The following CHAT variants were observed in gnomAD, a reference collection of about 807,000 sequenced individuals.
CHAT encodes the protein acetyl CoA:choline O-acetyltransferase.
A neutral mutation model predicts 76.9 loss-of-function variants in CHAT; 61 were observed. The observed-to-expected ratio is 0.79, with a 90% confidence interval of 0.65 to 0.98. CHAT has a LOEUF of 0.98. CHAT is among the 50% of genes least tolerant of loss of function. The pLI is 0.00. For missense variants in CHAT, 946 were observed against 986.9 expected, an observed-to-expected ratio of 0.96 and a Z score of 0.56; for synonymous variants, 407 against 397.4, an observed-to-expected ratio of 1.02 and a Z score of -0.29.
intron 7 of CHAT, among the ~76,000 whole-genome samples, chr10:49,641,091 C>T (rs1473717449): frequency 6.6e-6 from 1 of 152,238 alleles, no homozygotes; most frequent in Non-Finnish European, 1.5e-5. Flanking sequence ...GCCACCTTCT[C>T]ACTGTGTCCT....
At chr10:49,613,208 T>C (rs1021793012), upstream of CHAT, 3 of 152,256 alleles carry the variant, frequency 2.0e-5, no homozygotes, top group Non-Finnish European at 4.4e-5. Context: ...GAAATGTGTG[T>C]ATGATGTGAT....
At chr10:49,625,252 C>T (rs1037541262) in intron 5 of CHAT, among the ~76,000 whole-genome samples, 11 of 152,120 alleles carry the variant, frequency 7.2e-5, no homozygotes, top group African/African-American at 2.7e-4. Context: ...GTGCATGAGG[C>T]AGAGGTTTGA....
In CHAT at chr10:49,619,953, C is replaced by T. The variant is rs138137810; in HGVS notation, c.579+37C>T. The T allele has an allele frequency of 4.6e-4, 720 of 1,582,162 alleles. 5 individuals are homozygous for T. The African/African-American group carries it at 8.1e-3, about 18-fold the overall frequency. On this transcript the variant is annotated intron_variant, in intron 3 of 14. Transcript: ENST00000337653. Reference sequence around the variant, plus strand: ...AGACAAGGAACCCATAGAAGAGGGGCGGGAGGCAGACCTGGAGACAGAGGG... The same window carrying T: ...AGACAAGGAACCCATAGAAGAGGGGTGGGAGGCAGACCTGGAGACAGAGGG...
upstream of CHAT, chr10:49,611,779 C>T: frequency 6.2e-7 from 1 of 1,602,870 alleles, no homozygotes; most frequent in Non-Finnish European, 8.5e-7. Context: ...CCTCACCGTG[C>T]GCCTGGCGGC....
chr10:49,615,882 C>T (rs1838472136), intron 1 of CHAT: 2 of 665,922 alleles, frequency 3.0e-6, no homozygotes, highest in African/African-American at 1.8e-5. Flanking sequence ...CTGCCTAGGT[C>T]ACAACGCCTC....
chr10:49,611,104 G>T (rs1838282603), upstream of CHAT: 2 of 1,614,020 alleles, frequency 1.2e-6, no homozygotes, highest in East Asian at 2.2e-5. Context: ...GAGCGAAGAC[G>T]TGAAGATCGG....
intron 5 of CHAT, 70 bp from the exon 6 acceptor site, chr10:49,625,403 C>T: frequency 4.1e-6 from 6 of 1,455,606 alleles, no homozygotes; most frequent in Non-Finnish European, 5.7e-6. Context: ...ACAATAAAAC[C>T]CATTCTCTGT....
chr10:49,620,272 G>C (rs961088807), intron 3 of CHAT, among the ~76,000 whole-genome samples: 4 of 152,136 alleles, frequency 2.6e-5, no homozygotes, highest in African/African-American at 9.7e-5. Context: ...GTAGCACCAA[G>C]CCACCAGGAT....
At chr10:49,651,667 C>A (rs1221069437) in intron 10 of CHAT, 3 of 544,708 alleles carry the variant, frequency 5.5e-6, no homozygotes, top group Non-Finnish European at 9.8e-6. Flanking sequence ...GCTGAGCTCA[C>A]CTTGGGTCAT....
At chr10:49,647,808 C>CTTCA (rs1839728731) in intron 8 of CHAT, 1 of 118,710 alleles carries the variant, frequency 8.4e-6, no homozygotes, top group African/African-American at 3.4e-5. Context: ...TCCTTCCTTC[C>CTTCA]TTTTAGTGAC....
chr10:49,613,622 G>A (rs763060264), upstream of CHAT, among the ~76,000 whole-genome samples: 7 of 152,174 alleles, frequency 4.6e-5, no homozygotes, highest in Admixed American at 1.3e-4. Flanking sequence ...GTGTGTGCCT[G>A]GGCGGAGTCT....
At chr10:49,627,999 T>G (rs2132736917) in intron 7 of CHAT, among the ~76,000 whole-genome samples, 1 of 152,052 alleles carries the variant, frequency 6.6e-6, no homozygotes, top group East Asian at 1.9e-4. Flanking sequence ...GCTTTCTTGG[T>G]GGGACTAACT....
chr10:49,642,458 C>A (rs1405323059), intron 7 of CHAT, among the ~76,000 whole-genome samples: 1 of 152,258 alleles, frequency 6.6e-6, no homozygotes, highest in Non-Finnish European at 1.5e-5. Context: ...CTGGGCCCTG[C>A]AGAGCCTGCA....
Position 49,665,036 on chromosome 10 carries a change from A to T in CHAT, c.2237A>T (p.His746Leu). The T allele has an allele frequency of 5.0e-6, 8 of 1,613,856 alleles. No homozygotes were observed. Among genetic ancestry groups the T allele is most frequent in the Non-Finnish European group, 6.8e-6 (8 of 1,180,042 alleles). The stretch of plus-strand genomic sequence containing the variant: ...AAAGCCACGAGGCCCAGCCAGGGAC[A>T]CCAACCTTGACTCCTGCCACTAGGT... The part of the protein sequence containing the change: ...KEKATRPSQG[H>L]QP Residue 746 changes from histidine (H) to leucine (L), a missense_variant, in exon 15 of 15, where the codon CAC (histidine) becomes CTC (leucine). His to Leu is a moderately conservative substitution (Grantham distance 99). Coordinates refer to ENST00000337653, the MANE Select transcript of CHAT (RefSeq NM_020549.5).
chr10:49,660,256 C>T (rs557605953), intron 13 of CHAT, among the ~76,000 whole-genome samples: 44 of 152,040 alleles, frequency 2.9e-4, no homozygotes, highest in Admixed American at 5.9e-4. Context: ...CTGGCTGACA[C>T]GGTGAAACCC....
intron 13 of CHAT, chr10:49,661,187 C>G (rs781668311): frequency 2.0e-5 from 3 of 152,140 alleles, no homozygotes; most frequent in Non-Finnish European, 4.4e-5. Context: ...AATTATAAGT[C>G]ATTTTACTCG....
intron 8 of CHAT, chr10:49,646,981 C>T: frequency 2.1e-6 from 1 of 466,864 alleles, no homozygotes; most frequent in East Asian, 4.1e-5. Context: ...ACCTGGGGCC[C>T]ATTTCCCATC....
Position 49,655,449 on chromosome 10 carries a change from G to A in CHAT, c.1839+1G>A, listed in dbSNP as rs1457708258. On this transcript the variant is annotated splice_donor_variant, in intron 13 of 14. Transcript: ENST00000337653. LOFTEE classifies it high-confidence loss of function. ...TGCCCAGACTGCATACACAGTCATG[G>A]TGAGTGACGTCGCACCACCTCACAA... 2 of 1,613,724 alleles carry A rather than the reference G, an allele frequency of 1.2e-6. No homozygotes were observed.
intron 7 of CHAT, among the ~76,000 whole-genome samples, chr10:49,630,843 A>G (rs553786373): frequency 4.6e-5 from 7 of 152,304 alleles, no homozygotes; most frequent in African/African-American, 1.7e-4. Flanking sequence ...GAGGCTCCCA[A>G]CTGGTACCTC....
Sources: allele counts gnomAD v4.1 joint callset (sites outside exome capture counted in the v4.1 genomes callset), GRCh38; gene constraint gnomAD v4.1.1; transcripts MANE v1.5; gene names NCBI Gene and HGNC (gene_info 2026-07-23, HGNC 2026-07-21).